The following IRAK1BP1 variants were observed in gnomAD, a reference collection of about 807,000 sequenced individuals.
IRAK1BP1 encodes interleukin 1 receptor associated kinase 1 binding protein 1.
IRAK1BP1 carries 24 observed loss-of-function variants against 28.0 expected under a neutral mutation model. The ratio of observed to expected loss-of-function variants is 0.86; its 90% CI spans 0.62 to 1.20. IRAK1BP1 has a LOEUF of 1.20. Among genes scored for constraint, IRAK1BP1 ranks in the 50% most tolerant of loss-of-function variants. The pLI, the probability that IRAK1BP1 is intolerant of heterozygous loss-of-function variation, is 0.00. For missense variants in IRAK1BP1, 336 were observed against 316.7 expected, an observed-to-expected ratio of 1.06 and a Z score of -0.46; for synonymous variants, 131 against 116.3, an observed-to-expected ratio of 1.13 and a Z score of -0.81.
chr6:78,895,487 A>C (rs1303959405), intron 2 of IRAK1BP1, among the ~76,000 whole-genome samples: 2 of 152,210 alleles, frequency 1.3e-5, no homozygotes, highest in African/African-American at 4.8e-5. Context: ...ATTTATACAC[A>C]TACATGCTTA....
At chr6:78,958,746 G>T in the IRAK1BP1 span, 1 of 615,572 alleles carries the variant, frequency 1.6e-6, no homozygotes, top group Non-Finnish European at 2.9e-6. Context: ...TTTCAAAGCA[G>T]CATAACTGCA....
the IRAK1BP1 span, among the ~76,000 whole-genome samples, chr6:78,965,408 A>C: frequency 1.3e-5 from 2 of 152,222 alleles, no homozygotes; most frequent in East Asian, 3.8e-4. Context: ...AAGTTACAAA[A>C]GTGTCTCTGC....
At chr6:78,871,269 A>G in intron 1 of IRAK1BP1, 1 of 985,296 alleles carries the variant, frequency 1.0e-6, no homozygotes, top group Non-Finnish European at 1.2e-6. Context: ...CCTCCCTCAC[A>G]AAAGTGTTTC....
the IRAK1BP1 span, among the ~76,000 whole-genome samples, chr6:78,964,682 G>A: frequency 2.0e-5 from 3 of 151,960 alleles, no homozygotes; most frequent in East Asian, 1.9e-4. Context: ...TAGTTGAGAC[G>A]GGGTTTCACC....
chr6:78,883,570 G>A (rs767619023), intron 1 of IRAK1BP1, among the ~76,000 whole-genome samples: 2 of 151,992 alleles, frequency 1.3e-5, no homozygotes, highest in African/African-American at 2.4e-5. Context: ...ATCAAGTGAA[G>A]TGGGAGAAAA....
chr6:78,971,429 A>C, the IRAK1BP1 span, among the ~76,000 whole-genome samples: 1 of 152,210 alleles, frequency 6.6e-6, no homozygotes, highest in African/African-American at 2.4e-5. Flanking sequence ...TAGTAGAAGA[A>C]CGTGTTTTAA....
intron 4 of IRAK1BP1, among the ~76,000 whole-genome samples, chr6:78,922,268 A>G (rs1453872615): frequency 1.3e-5 from 2 of 152,218 alleles, no homozygotes; most frequent in Non-Finnish European, 2.9e-5. Flanking sequence ...CGAGAACTAC[A>G]TGACAAATGC....
chr6:78,893,286 GTATATA>G (rs70977750), intron 2 of IRAK1BP1, among the ~76,000 whole-genome samples: 33,965 of 122,044 alleles, frequency 0.28, 5,490 homozygotes, highest in East Asian at 0.55. Context: ...ATATATGTGT[GTATATA>G]TGTGTGTGTG....
downstream of IRAK1BP1, among the ~76,000 whole-genome samples, chr6:78,904,456 G>A (rs1202368252): frequency 6.6e-6 from 1 of 152,124 alleles, no homozygotes. Context: ...CTATAAAATT[G>A]CATCTAATAA....
chr6:78,899,922 C>T lies in IRAK1BP1; in HGVS notation c.*1588C>T, dbSNP rs1374830881. The T allele has an allele frequency of 6.6e-6, 1 of 151,968 alleles. No individual in the cohort carries two copies. Among genetic ancestry groups the T allele is most frequent in the Non-Finnish European group, 1.5e-5 (1 of 68,002 alleles). 9.4% of individuals were successfully genotyped at this position (151,968 alleles called of 1,614,324 possible). A position where few individuals can be genotyped will look rare whatever the true frequency, so the allele number is the denominator to read the frequency against. On this transcript the variant is annotated 3_prime_UTR_variant, in exon 4 of 4. Transcript: ENST00000369940. ...TGTATATTTTTACATAATAGCACAT[C>T]TCAATTCACATGCTAAATTTTCATC...
chr6:78,921,350 A>G (rs1772720155), intron 4 of IRAK1BP1, among the ~76,000 whole-genome samples: 1 of 152,216 alleles, frequency 6.6e-6, no homozygotes, highest in South Asian at 2.1e-4. Flanking sequence ...CTGAGATCAA[A>G]CAGCAAGGCC....
At chr6:78,883,754 T>C (rs1326688180) in intron 1 of IRAK1BP1, among the ~76,000 whole-genome samples, 2 of 152,156 alleles carry the variant, frequency 1.3e-5, no homozygotes, top group African/African-American at 4.8e-5. Context: ...CCAGAAATAA[T>C]CCATAAGTTT....
At position 78,943,422 on chromosome 6, in the gene IRAK1BP1, G is replaced by A. The variant is rs552933722; in HGVS notation, c.*68-1986G>A. Among the ~76,000 whole-genome samples, 9 of 152,070 alleles carry A rather than the reference G, an allele frequency of 5.9e-5. No individual in the cohort carries two copies. The South Asian group carries it at 1.9e-3, about 32-fold the overall frequency. ...TCATCATATATATTTGATTTCTCTAGGATTCATGAATAAAAAGAAGCAAGG... is the reference window on the plus strand; with the variant it reads ...TCATCATATATATTTGATTTCTCTAAGATTCATGAATAAAAAGAAGCAAGG... On this transcript the variant is annotated intron_variant and NMD_transcript_variant, in intron 4 of 4. Transcript: ENST00000606868.
the IRAK1BP1 span, among the ~76,000 whole-genome samples, chr6:78,967,328 AC>A: frequency 3.4e-4 from 52 of 152,316 alleles, no homozygotes; most frequent in East Asian, 2.5e-3. Flanking sequence ...CATTCTTGAC[AC>A]CACCACTACC....
chr6:78,931,752 G>A (rs761534017), intron 4 of IRAK1BP1, among the ~76,000 whole-genome samples: 5 of 152,118 alleles, frequency 3.3e-5, no homozygotes, highest in Non-Finnish European at 5.9e-5. Context: ...ATCTTTTTCT[G>A]GTGGAGGGTC....
chr6:78,970,896 A>G, the IRAK1BP1 span: 1 of 1,571,092 alleles, frequency 6.4e-7, no homozygotes, highest in African/African-American at 1.4e-5. Context: ...AACCTAAAAA[A>G]TAAAGTCATA....
the IRAK1BP1 span, among the ~76,000 whole-genome samples, chr6:78,977,233 G>A: frequency 6.6e-6 from 1 of 151,002 alleles, no homozygotes; most frequent in African/African-American, 2.4e-5. Flanking sequence ...GTAGGGACAT[G>A]GATGAAATTG....
intron 2 of IRAK1BP1, among the ~76,000 whole-genome samples, chr6:78,893,349 T>TATATATATATATATATA (rs1771752026): frequency 8.0e-6 from 1 of 125,750 alleles, no homozygotes. Context: ...TATATATATA[T>TATATATATATATATATA]CAACGAAGAG....
At chr6:78,958,491 G>C in the IRAK1BP1 span, 11 of 1,535,018 alleles carry the variant, frequency 7.2e-6, no homozygotes, top group Admixed American at 1.7e-5. Flanking sequence ...AAATGTAGAA[G>C]AAGATCAGTC....
Sources: allele counts gnomAD v4.1 joint callset (sites outside exome capture counted in the v4.1 genomes callset), GRCh38; gene constraint gnomAD v4.1.1; transcripts MANE v1.5; gene names NCBI Gene and HGNC (gene_info 2026-07-23, HGNC 2026-07-21).